AK9: variants seen among roughly 807,000 people sequenced by gnomAD.
AK9 encodes adenylate kinase 9.
Under a neutral mutation model 239.6 loss-of-function variants are expected in AK9, and 191 were observed. That is an observed-to-expected ratio of 0.80 (90% CI 0.71 to 0.90). The LOEUF (loss-of-function observed/expected upper bound fraction) is 0.90. AK9 is among the 40% of genes least tolerant of loss of function. The pLI is 0.00. For synonymous variants in AK9, 689 were observed against 721.0 expected (o/e 0.96, Z 0.71); for missense variants, 1,995 against 2,214.7 (o/e 0.90, Z 1.99).
At chr6:109,545,760 G>A (rs1007745674) in intron 26 of AK9, 107 bp downstream of exon 26, 70 of 1,354,448 alleles carry the variant, frequency 5.2e-5, no homozygotes, top group Admixed American at 7.7e-5. Context: ...CTGTGATTGT[G>A]CCACTGCCTT....
chr6:109,659,153 C>T (rs1800080413), intron 7 of AK9, 75 bp downstream of exon 7: 1 of 1,418,234 alleles, frequency 7.1e-7, no homozygotes, highest in Middle Eastern at 2.1e-4. Flanking sequence ...TTTCCTATTA[C>T]CTATACCATC....
At chr6:109,507,698 G>C (rs1237137932) in intron 33 of AK9, among the ~76,000 whole-genome samples, 1 of 152,210 alleles carries the variant, frequency 6.6e-6, no homozygotes, top group East Asian at 1.9e-4. Context: ...CTAAGCCACA[G>C]GACCCCCTGC....
intron 29 of AK9, chr6:109,528,460 G>A (rs1418077040): frequency 4.7e-6 from 2 of 424,314 alleles, no homozygotes; most frequent in African/African-American, 4.1e-5. Context: ...GAAAATCGAG[G>A]CAAATAATTA....
chr6:109,600,266 T>C (rs1318298952), intron 17 of AK9, among the ~76,000 whole-genome samples: 1 of 152,204 alleles, frequency 6.6e-6, no homozygotes, highest in Non-Finnish European at 1.5e-5. Flanking sequence ...ATACCTAATT[T>C]ATTGAGAGTT....
At chr6:109,610,243 T>G in intron 17 of AK9, 122 bp downstream of exon 17, 1 of 1,210,730 alleles carries the variant, frequency 8.3e-7, no homozygotes, top group South Asian at 1.4e-5. Context: ...AAAATGTACA[T>G]GAATTTGAAG....
intron 17 of AK9, among the ~76,000 whole-genome samples, chr6:109,589,069 T>A (rs1308405980): frequency 6.6e-6 from 1 of 152,138 alleles, no homozygotes; most frequent in Admixed American, 6.5e-5. Context: ...GCTCTTTTTA[T>A]TGTTCTGTAC....
intron 24 of AK9, among the ~76,000 whole-genome samples, chr6:109,557,882 C>G (rs1785211632): frequency 6.6e-6 from 1 of 152,206 alleles, no homozygotes. Flanking sequence ...TCAAGTTATT[C>G]TGCATCCTAG....
In AK9 at chr6:109,691,184, G is replaced by T; in HGVS notation, c.-49C>A. ...CCTTCGCTTCCTCTCTCGGCAGCAC[G>T]CAGGTCCCGGGAGCCTCTACCCGAC... On this transcript the variant is annotated 5_prime_UTR_variant, in exon 1 of 41. Coordinates refer to ENST00000424296, the MANE Select transcript of AK9 (RefSeq NM_001145128.3). The T allele has an allele frequency of 1.7e-6, 1 of 578,070 alleles. No homozygotes were observed. The highest frequency in any genetic ancestry group is 3.1e-6 in the Non-Finnish European group (1 of 322,662). The allele number at this position is 578,070 out of a possible 1,614,324, so 35.8% of individuals were successfully genotyped here.
At chr6:109,570,290 G>T (rs1244279452) in intron 21 of AK9, among the ~76,000 whole-genome samples, 1 of 151,746 alleles carries the variant, frequency 6.6e-6, no homozygotes, top group Non-Finnish European at 1.5e-5. Context: ...TGGGGTGGGG[G>T]AAGGGGGGAG....
In AK9 at chr6:109,674,369, T is replaced by A. The variant is rs946606892; in HGVS notation, c.118-108A>T. ...TTGCTAGTTACTATTACATCAATGT[T>A]ATAATTTTTCCCATAAAAAATGAAG... is the stretch of plus-strand genomic sequence containing the variant. On this transcript the variant is annotated intron_variant, in intron 2 of 40. Coordinates refer to ENST00000424296, the MANE Select transcript of AK9 (RefSeq NM_001145128.3). The A allele has an allele frequency of 2.3e-5, 17 of 734,110 alleles. No homozygotes were observed. In the South Asian group the frequency reaches 4.5e-4, roughly 19 times the overall value. The allele number at this position is 734,110 out of a possible 1,614,324, so 45.5% of individuals were successfully genotyped here.
chr6:109,669,284 T>G (rs919288975), intron 5 of AK9, among the ~76,000 whole-genome samples: 1 of 152,142 alleles, frequency 6.6e-6, no homozygotes, highest in Non-Finnish European at 1.5e-5. Context: ...TGAGGAGATT[T>G]TGGGCTGAGA....
At position 109,529,063 on chromosome 6, in the gene AK9, A is replaced by G; in HGVS notation, c.3581T>C (p.Ile1194Thr). ...TATAAGTTCAGCCCTTCTTTTAGCA[A>G]TCGTATCAACCTGTTAAAGAAAGAG... The part of the protein sequence containing the change: ...DMKAKIRVDT[I>T]AKRRAELILE... The change falls in exon 29 of 41, where the codon ATT becomes ACT. Residue 1194 changes from isoleucine to threonine, a missense_variant. This residue lies in a region of AK9 where 1,290 missense variants were observed against 1,392.7 expected (regional missense o/e 0.93). Transcript: ENST00000424296. 1 of 1,580,206 alleles carries G rather than the reference A, an allele frequency of 6.3e-7. No individual in the cohort carries two copies. The highest frequency in any genetic ancestry group is 8.5e-7 in the Non-Finnish European group (1 of 1,170,458).
intron 7 of AK9, among the ~76,000 whole-genome samples, chr6:109,658,872 T>C (rs1308130687): frequency 6.6e-6 from 1 of 152,158 alleles, no homozygotes; most frequent in East Asian, 1.9e-4. Context: ...TATTCTGCTG[T>C]AGGTAACAGA....
intron 1 of AK9, among the ~76,000 whole-genome samples, chr6:109,679,130 G>A (rs1772224948): frequency 6.6e-6 from 1 of 152,090 alleles, no homozygotes; most frequent in Non-Finnish European, 1.5e-5. Context: ...CTGGAAAGGG[G>A]GCTGAAGCCA....
At chr6:109,628,294 G>A (rs1370372873) in intron 12 of AK9, among the ~76,000 whole-genome samples, 1 of 152,146 alleles carries the variant, frequency 6.6e-6, no homozygotes, top group Non-Finnish European at 1.5e-5. Context: ...AGAAGCTCTT[G>A]GCCACACACA....
At chr6:109,568,531 C>T (rs1676995791) in intron 21 of AK9, among the ~76,000 whole-genome samples, 1 of 152,146 alleles carries the variant, frequency 6.6e-6, no homozygotes, top group Non-Finnish European at 1.5e-5. Context: ...TAGAAAACCC[C>T]ATCGTCTCAG....
chr6:109,576,422 T>A lies in AK9; in HGVS notation c.2192-2828A>T, dbSNP rs1410880883. Among the ~76,000 whole-genome samples, 26 of 121,356 alleles carry A rather than the reference T, an allele frequency of 2.1e-4. 1 individual carries two copies. The highest frequency in any genetic ancestry group is 7.3e-4 in the Admixed American group (9 of 12,398). 79.6% of individuals were successfully genotyped at this position (121,356 alleles called of 152,430 possible). ...TTAGGTGTATATACATATATATACT[T>A]TTTTTTTTTTTTTTTGCAGCTGTTG... is the stretch of plus-strand genomic sequence containing the variant. On this transcript the variant is annotated intron_variant, in intron 20 of 40. Transcript: ENST00000424296.
At position 109,493,320 on chromosome 6, in the gene AK9, A is replaced by C. The variant is rs1319391660; in HGVS notation, c.*49T>G. 1.3e-6 allele frequency: 2 copies of C among 1,565,636 alleles called. No homozygotes were observed. The highest frequency in any genetic ancestry group is 1.8e-6 in the Non-Finnish European group (2 of 1,142,350). Reference sequence around the variant, plus strand: ...AATCTACTTCTCTCAGTTTCCCTCTATCACTTTCAGATAACTCTTGAGATT... The same window carrying C: ...AATCTACTTCTCTCAGTTTCCCTCTCTCACTTTCAGATAACTCTTGAGATT... On this transcript the variant is annotated 3_prime_UTR_variant, in exon 41 of 41. Transcript: ENST00000424296.
At chr6:109,538,768 C>T (rs1421039942) in intron 27 of AK9, among the ~76,000 whole-genome samples, 1 of 152,122 alleles carries the variant, frequency 6.6e-6, no homozygotes, top group Non-Finnish European at 1.5e-5. Context: ...ATGTTTAGTG[C>T]TTCCTTCAGG....
Sources: allele counts gnomAD v4.1 joint callset (sites outside exome capture counted in the v4.1 genomes callset), GRCh38; gene constraint gnomAD v4.1.1; regional missense constraint gnomAD v4.1.1; transcripts MANE v1.5; gene names NCBI Gene and HGNC (gene_info 2026-07-23, HGNC 2026-07-21).